MAF: variants seen among roughly 807,000 people sequenced by gnomAD.
MAF encodes the protein MAF bZIP transcription factor, also known as transcription factor Maf.
A neutral mutation model predicts 22.0 loss-of-function variants in MAF; 10 were observed. The ratio of observed to expected loss-of-function variants is 0.45; its 90% CI spans 0.28 to 0.77. The LOEUF (loss-of-function observed/expected upper bound fraction) is 0.77, where lower values mean the gene tolerates loss of function less well. Among genes scored for constraint, MAF ranks in the 30% least tolerant of loss-of-function variants. MAF has a pLI of 0.12. For missense variants in MAF, 544 were observed against 548.4 expected, an observed-to-expected ratio of 0.99 and a Z score of 0.08; for synonymous variants, 337 against 255.8, an observed-to-expected ratio of 1.32 and a Z score of -3.03.
At chr16:79,562,349 C>T in the MAF span, among the ~76,000 whole-genome samples, 2 of 152,144 alleles carry the variant, frequency 1.3e-5, no homozygotes, top group African/African-American at 2.4e-5. Flanking sequence ...CTGCCTTAAA[C>T]AATAGTTTCT....
chr16:79,358,979 C>T, the MAF span, among the ~76,000 whole-genome samples: 14 of 152,058 alleles, frequency 9.2e-5, no homozygotes, highest in African/African-American at 1.4e-4. Flanking sequence ...TTTAGAGTGC[C>T]GGAATGAACA....
the MAF span, among the ~76,000 whole-genome samples, chr16:79,559,651 T>C: frequency 6.6e-6 from 1 of 152,104 alleles, no homozygotes; most frequent in African/African-American, 2.4e-5. Flanking sequence ...AAAAAACTGC[T>C]GTACATTACT....
chr16:79,481,104 G>C, the MAF span, among the ~76,000 whole-genome samples: 2 of 152,128 alleles, frequency 1.3e-5, no homozygotes, highest in African/African-American at 2.4e-5. Flanking sequence ...ACAGAATTCT[G>C]TTCTGTTCCC....
the MAF span, among the ~76,000 whole-genome samples, chr16:79,455,925 G>A: frequency 1.3e-5 from 2 of 152,044 alleles, no homozygotes; most frequent in Admixed American, 6.6e-5. Context: ...GACTGAGACG[G>A]GAGAATTGCT....
At chr16:79,318,147 G>A in the MAF span, among the ~76,000 whole-genome samples, 1 of 152,184 alleles carries the variant, frequency 6.6e-6, no homozygotes, top group African/African-American at 2.4e-5. Context: ...GGGCTACAGG[G>A]AAGAGCAGGA....
At chr16:79,448,875 C>T in the MAF span, among the ~76,000 whole-genome samples, 1 of 152,068 alleles carries the variant, frequency 6.6e-6, no homozygotes, top group Non-Finnish European at 1.5e-5. Flanking sequence ...TTTTCCCAGA[C>T]CTTGGGGGGA....
At chr16:79,360,689 G>C in the MAF span, among the ~76,000 whole-genome samples, 52 of 152,300 alleles carry the variant, frequency 3.4e-4, no homozygotes, top group Non-Finnish European at 3.4e-4. Flanking sequence ...GGTAGGACAA[G>C]TTTTGTCTTT....
chr16:79,522,778 C>T, the MAF span, among the ~76,000 whole-genome samples: 2 of 152,146 alleles, frequency 1.3e-5, no homozygotes, highest in Admixed American at 1.3e-4. Context: ...CAAAAGTCAT[C>T]TAATATCACG....
the MAF span, among the ~76,000 whole-genome samples, chr16:79,207,478 C>G: frequency 1.3e-5 from 2 of 152,216 alleles, no homozygotes; most frequent in African/African-American, 4.8e-5. Context: ...GGGTTCATTC[C>G]TTTCATAACT....
At chr16:79,364,850 A>G in the MAF span, among the ~76,000 whole-genome samples, 3 of 152,240 alleles carry the variant, frequency 2.0e-5, no homozygotes, top group South Asian at 2.1e-4. Context: ...AAACTCTTCT[A>G]TAAATACACT....
the MAF span, among the ~76,000 whole-genome samples, chr16:79,484,069 T>A: frequency 6.6e-6 from 1 of 151,996 alleles, no homozygotes; most frequent in Non-Finnish European, 1.5e-5. Flanking sequence ...CTTTGAGAGC[T>A]TCCTCCCATT....
At chr16:79,250,760 G>T in the MAF span, among the ~76,000 whole-genome samples, 2 of 152,126 alleles carry the variant, frequency 1.3e-5, no homozygotes, top group East Asian at 3.9e-4. Flanking sequence ...AATCCGTTAC[G>T]CATTGATTCC....
the MAF span, among the ~76,000 whole-genome samples, chr16:79,579,432 C>T: frequency 1.3e-5 from 2 of 152,154 alleles, no homozygotes; most frequent in African/African-American, 4.8e-5. Flanking sequence ...ATACAAGCCT[C>T]ATTACTATAT....
the MAF span, among the ~76,000 whole-genome samples, chr16:79,416,016 G>C: frequency 6.6e-6 from 1 of 152,030 alleles, no homozygotes; most frequent in Admixed American, 6.6e-5. Flanking sequence ...TTTTAGCAAA[G>C]TGCCGTGTGT....
In MAF at chr16:79,594,448, C is replaced by T. The variant is rs202097169; in HGVS notation, c.*12G>A. ...TGATGATTTTTTTTAATGTACAGCT[C>T]TCACACAAATTTCATTTTGTGAACA... On this transcript the variant is annotated 3_prime_UTR_variant, in exon 2 of 2. Transcript: ENST00000326043. 5.2e-6 allele frequency: 8 copies of T among 1,552,828 alleles called. No homozygotes were observed. In the Middle Eastern group the frequency reaches 5.0e-4, roughly 97 times the overall value.
chr16:79,390,119 G>A, the MAF span, among the ~76,000 whole-genome samples: 1 of 151,774 alleles, frequency 6.6e-6, no homozygotes, highest in Non-Finnish European at 1.5e-5. Flanking sequence ...GTGATGGCAT[G>A]TGCAAGTGTA....
the MAF span, among the ~76,000 whole-genome samples, chr16:79,383,720 C>T: frequency 1.3e-5 from 2 of 152,114 alleles, no homozygotes; most frequent in Non-Finnish European, 2.9e-5. Flanking sequence ...TACGCTGGTC[C>T]TCTTTGAAAG....
At chr16:79,258,649 G>A in the MAF span, among the ~76,000 whole-genome samples, 1 of 152,174 alleles carries the variant, frequency 6.6e-6, no homozygotes, top group African/African-American at 2.4e-5. Context: ...AAGGAACAAG[G>A]GGCCACCTGC....
chr16:79,239,252 A>G, the MAF span, among the ~76,000 whole-genome samples: 1 of 152,016 alleles, frequency 6.6e-6, no homozygotes, highest in Non-Finnish European at 1.5e-5. Flanking sequence ...CTAGGCTCCT[A>G]GTTTGTGCGC....
Sources: gnomAD v4.1 joint callset for allele counts (sites outside exome capture counted in the v4.1 genomes callset) on GRCh38, gnomAD v4.1.1 for gene constraint, MANE v1.5 for transcripts, NCBI Gene and HGNC (gene_info 2026-07-23, HGNC 2026-07-21) for gene names.